EML5: variants seen among roughly 807,000 people sequenced by gnomAD.
The protein encoded by EML5 is EMAP like 5.
EML5 carries 120 observed loss-of-function variants against 250.0 expected under a neutral mutation model. That is an observed-to-expected ratio of 0.48 (90% CI 0.41 to 0.56). The LOEUF (loss-of-function observed/expected upper bound fraction) is 0.56, where lower values mean the gene tolerates loss of function less well. EML5 is among the 20% of genes least tolerant of loss of function. EML5 has a pLI of 0.00. For missense variants in EML5, 2,006 were observed against 2,437.6 expected, an observed-to-expected ratio of 0.82 and a Z score of 3.73; for synonymous variants, 771 against 806.5, an observed-to-expected ratio of 0.96 and a Z score of 0.75.
intron 1 of EML5, among the ~76,000 whole-genome samples, chr14:88,757,834 C>T (rs933471242): frequency 6.7e-6 from 1 of 150,264 alleles, no homozygotes; most frequent in Non-Finnish European, 1.5e-5. Context: ...CTTCCTTTCT[C>T]TCTCTTTCTC....
chr14:88,626,000 C>G (rs1008227183), intron 35 of EML5: 4 of 152,172 alleles, frequency 2.6e-5, no homozygotes, highest in Non-Finnish European at 2.9e-5. Context: ...GAGAGCAGGT[C>G]TCCTGAACAC....
At chr14:88,650,437 C>A (rs898997173) in intron 27 of EML5, among the ~76,000 whole-genome samples, 5 of 152,032 alleles carry the variant, frequency 3.3e-5, no homozygotes, top group African/African-American at 7.2e-5. Flanking sequence ...CTGGGCGACA[C>A]AGCAAGACTC....
intron 40 of EML5, 70 bp downstream of exon 40, chr14:88,618,576 TTAAA>T: frequency 6.7e-7 from 1 of 1,503,548 alleles, no homozygotes; most frequent in Non-Finnish European, 8.9e-7. Flanking sequence ...CTCAGGAACT[TTAAA>T]TGCATTCACT....
rs561258061 is a variant in EML5 at position 88,738,140 on chromosome 14, T to G, written c.847+739A>C. Reference sequence around the variant, plus strand: ...TTGTAAGCTTTAAAGCACAATAATGTTTAGCAAAACTAATGAAAATAAAAT... The same window carrying G: ...TTGTAAGCTTTAAAGCACAATAATGGTTAGCAAAACTAATGAAAATAAAAT... On this transcript the variant is annotated intron_variant, in intron 6 of 43. Coordinates refer to ENST00000554922, the MANE Select transcript of EML5 (RefSeq NM_183387.3). Among the ~76,000 whole-genome samples the G allele has an allele frequency of 5.3e-5, 8 of 152,268 alleles. No individual in the cohort carries two copies. In the South Asian group the frequency reaches 1.7e-3, roughly 32 times the overall value.
At chr14:88,675,060 C>T (rs972336104) in intron 21 of EML5, among the ~76,000 whole-genome samples, 1 of 152,228 alleles carries the variant, frequency 6.6e-6, no homozygotes, top group East Asian at 1.9e-4. Flanking sequence ...TTCCTGGCTG[C>T]TTTCACAGGC....
chr14:88,730,526 T>C (rs1178241450), intron 7 of EML5, among the ~76,000 whole-genome samples: 1 of 152,194 alleles, frequency 6.6e-6, no homozygotes, highest in African/African-American at 2.4e-5. Flanking sequence ...TGAGAACAGT[T>C]GCTCCAAAAG....
intron 1 of EML5, among the ~76,000 whole-genome samples, chr14:88,779,314 A>G (rs575728254): frequency 1.3e-5 from 2 of 152,336 alleles, no homozygotes; most frequent in South Asian, 2.1e-4. Context: ...GTTTAAATAT[A>G]GCACAGAAAT....
intron 1 of EML5, among the ~76,000 whole-genome samples, chr14:88,756,135 C>G (rs2094155953): frequency 6.6e-6 from 1 of 152,072 alleles, no homozygotes; most frequent in Non-Finnish European, 1.5e-5. Flanking sequence ...TGGTATTCAT[C>G]AAGTCAGGGA....
At chr14:88,663,443 T>C (rs1047201977) in intron 23 of EML5, among the ~76,000 whole-genome samples, 2 of 152,102 alleles carry the variant, frequency 1.3e-5, no homozygotes, top group African/African-American at 4.8e-5. Flanking sequence ...AACTTTATGA[T>C]GCTCAATTTA....
At chr14:88,748,665 A>C (rs1006893153) in intron 2 of EML5, among the ~76,000 whole-genome samples, 5 of 152,206 alleles carry the variant, frequency 3.3e-5, no homozygotes, top group South Asian at 2.1e-4. Flanking sequence ...ACCCAGAGAT[A>C]ATTAAAATTA....
At chr14:88,759,026 G>C (rs142239775) in intron 1 of EML5, among the ~76,000 whole-genome samples, 1 of 152,186 alleles carries the variant, frequency 6.6e-6, no homozygotes, top group Non-Finnish European at 1.5e-5. Context: ...GACTGCTAAT[G>C]AGCTTGGGAA....
At chr14:88,766,102 T>C (rs1272755870) in intron 1 of EML5, among the ~76,000 whole-genome samples, 2 of 152,344 alleles carry the variant, frequency 1.3e-5, no homozygotes, top group East Asian at 3.9e-4. Context: ...TACTTTAATC[T>C]CTTAATCTCG....
rs1301930786 is a variant in EML5 at position 88,685,142 on chromosome 14, C to A, written c.2855G>T (p.Gly952Val). 2 of 1,590,810 alleles carry A rather than the reference C, an allele frequency of 1.3e-6. No individual in the cohort carries two copies. The highest frequency in any genetic ancestry group is 1.3e-5 in the African/African-American group (1 of 74,112). ...KRAALAPGSKGLLLEDNPSIR... is the reference protein window; with the variant it reads ...KRAALAPGSKVLLLEDNPSIR... Reference sequence around the variant, plus strand: ...AGATGGATTATCTTCCAAGAGAAGACCTGAAATGTTAAATGAAGATGTTCT... The same window carrying A: ...AGATGGATTATCTTCCAAGAGAAGAACTGAAATGTTAAATGAAGATGTTCT... Residue 952 changes from glycine (G) to valine (V), a missense_variant and splice_region_variant, in exon 20 of 44, where the codon GGT becomes GTT. This residue lies in a region of EML5 where 1,375 missense variants were observed against 1,590.3 expected (regional missense o/e 0.86). Transcript: ENST00000554922.
chr14:88,758,045 T>C (rs1336338016), intron 1 of EML5, among the ~76,000 whole-genome samples: 1 of 145,058 alleles, frequency 6.9e-6, no homozygotes, highest in Non-Finnish European at 1.5e-5. Flanking sequence ...TTTGTAGAGA[T>C]GGGGTCTCCC....
At chr14:88,752,005 T>TA (rs1459823604) in intron 2 of EML5, among the ~76,000 whole-genome samples, 5 of 152,232 alleles carry the variant, frequency 3.3e-5, no homozygotes, top group Non-Finnish European at 5.9e-5. Context: ...CTTAGCATAA[T>TA]ACCTGGCACT....
In EML5 at chr14:88,619,027, C is replaced by T. The variant is rs2088309757; in HGVS notation, c.5376-215G>A. The T allele has an allele frequency of 7.6e-6, 3 of 394,028 alleles. No individual in the cohort carries two copies. In the East Asian group the frequency reaches 1.3e-4, roughly 17 times the overall value. The allele number at this position is 394,028 out of a possible 1,614,324, so 24.4% of individuals were successfully genotyped here. A position where few individuals can be genotyped will look rare whatever the true frequency, so the allele number is the denominator to read the frequency against. On this transcript the variant is annotated intron_variant, in intron 39 of 43. Coordinates refer to ENST00000554922, the MANE Select transcript of EML5 (RefSeq NM_183387.3). The stretch of plus-strand genomic sequence containing the variant: ...TTTACTTAAATTTTAAATATTTCCC[C>T]AATTGTCATCTCCCAATTCCTTTAA...
intron 18 of EML5, 150 bp from the exon 19 acceptor site, chr14:88,687,477 G>A: frequency 1.7e-6 from 1 of 591,864 alleles, no homozygotes; most frequent in Non-Finnish European, 2.9e-6. Flanking sequence ...AATCCATTGT[G>A]TTTTTAAACC....
rs140442331 is a variant in EML5, at chr14:88,649,678, G to A, written c.4019+234C>T. On this transcript the variant is annotated intron_variant, in intron 28 of 43. Transcript: ENST00000554922. ...AAAACTATTCATTTGCATTGTAGTA[G>A]TTTGTACAGTCATATGTAAAACAAT... Among the ~76,000 whole-genome samples the A allele has an allele frequency of 2.9e-3, 448 of 152,234 alleles. 3 individuals are homozygous for A. Among genetic ancestry groups the A allele is most frequent in the African/African-American group, 0.01 (434 of 41,544 alleles).
intron 27 of EML5, 23 bp downstream of exon 27, chr14:88,657,353 C>A: frequency 6.5e-7 from 1 of 1,536,862 alleles, no homozygotes; most frequent in South Asian, 1.2e-5. Context: ...TTTTCTTCAT[C>A]TAATACTAAA....
Sources: allele counts gnomAD v4.1 joint callset (sites outside exome capture counted in the v4.1 genomes callset), GRCh38; gene constraint gnomAD v4.1.1; regional missense constraint gnomAD v4.1.1; transcripts MANE v1.5; gene names NCBI Gene and HGNC (gene_info 2026-07-23, HGNC 2026-07-21).